Variants in SLC25A28 observed in about 807,000 individuals in gnomAD.
SLC25A28 encodes the protein mitoferrin-2.
In SLC25A28, 10 loss-of-function variants were observed where a neutral mutation model predicts 31.9. The observed-to-expected ratio is 0.31, with a 90% CI of 0.19 to 0.53. The LOEUF (loss-of-function observed/expected upper bound fraction) is 0.53, where lower values mean the gene tolerates loss of function less well. Ranked by LOEUF, SLC25A28 falls within the 20% of genes least tolerant of loss-of-function variation. The pLI is 0.95. For missense variants in SLC25A28, 256 were observed against 490.3 expected (o/e 0.52, Z 4.51); for synonymous variants, 208 against 203.6 (o/e 1.02, Z -0.19).
At chr10:99,623,636 A>C (rs183091339), upstream of SLC25A28, among the ~76,000 whole-genome samples, 37 of 152,296 alleles carry the variant, frequency 2.4e-4, 1 homozygote, top group Admixed American at 1.4e-3. Flanking sequence ...TTCCAGGTAC[A>C]CAGTAGGATG....
At chr10:99,625,913 G>A in the SLC25A28 span, among the ~76,000 whole-genome samples, 2 of 152,124 alleles carry the variant, frequency 1.3e-5, no homozygotes, top group Non-Finnish European at 2.9e-5. Flanking sequence ...AACACCATGA[G>A]GCATCCTATC....
At chr10:99,653,139 G>A in the SLC25A28 span, among the ~76,000 whole-genome samples, 1 of 152,164 alleles carries the variant, frequency 6.6e-6, no homozygotes, top group Non-Finnish European at 1.5e-5. Context: ...CTTGAATGTG[G>A]ACTAGGAGTT....
intron 1 of SLC25A28, chr10:99,616,652 A>G (rs2034663924): frequency 4.1e-6 from 4 of 985,240 alleles, no homozygotes; most frequent in South Asian, 4.7e-5. Flanking sequence ...TCTGAAGGTC[A>G]TATGTTCAGG....
chr10:99,616,358 G>A, intron 1 of SLC25A28: 1 of 789,164 alleles, frequency 1.3e-6, no homozygotes, highest in Non-Finnish European at 1.5e-6. Context: ...TGGCTCACAG[G>A]GCTGTTGTGG....
At chr10:99,626,399 G>C in the SLC25A28 span, among the ~76,000 whole-genome samples, 1 of 152,166 alleles carries the variant, frequency 6.6e-6, no homozygotes, top group East Asian at 1.9e-4. Flanking sequence ...GGGTTATTTA[G>C]GAAACATTGT....
the SLC25A28 span, among the ~76,000 whole-genome samples, chr10:99,643,600 T>G: frequency 6.6e-6 from 1 of 152,222 alleles, no homozygotes. Flanking sequence ...TTTCTTGCCT[T>G]CTGCTAGCTT....
intron 1 of SLC25A28, chr10:99,618,581 T>C: frequency 1.0e-6 from 1 of 985,380 alleles, no homozygotes; most frequent in Non-Finnish European, 1.2e-6. Context: ...ATTTCAATGT[T>C]GTTACTTCTC....
At chr10:99,620,936 C>T (rs767581684), upstream of SLC25A28, 160 of 964,666 alleles carry the variant, frequency 1.7e-4, no homozygotes, top group Non-Finnish European at 1.9e-4. Flanking sequence ...CTGACGGGCG[C>T]CGTTACGACC....
the SLC25A28 span, among the ~76,000 whole-genome samples, chr10:99,644,810 A>G: frequency 1.3e-5 from 2 of 152,094 alleles, no homozygotes; most frequent in Non-Finnish European, 2.9e-5. Context: ...TCCTTCATGT[A>G]TGTAGCTTAG....
At chr10:99,618,502 C>T (rs938901624) in intron 1 of SLC25A28, 31 of 985,428 alleles carry the variant, frequency 3.1e-5, no homozygotes, top group Non-Finnish European at 3.6e-5. Flanking sequence ...GCATTATTAA[C>T]TCACAAGTCA....
Position 99,611,035 on chromosome 10 carries a change from T to C in SLC25A28, c.909A>G (p.Gly303=), listed in dbSNP as rs1169245172. Residue 303 remains glycine, a synonymous_variant, in exon 4 of 4, where the codon GGA becomes GGG. Transcript: ENST00000370495. This position sits in a 1 kb window ranked among gnomAD's most constrained non-coding sequence, Gnocchi z 5.5. ...AGGCACTAGCCATGCCTGTGATATGTCCTGTAATGTGTGAGTTCAAAGCCA... is the reference window on the plus strand; with the variant it reads ...AGGCACTAGCCATGCCTGTGATATGCCCTGTAATGTGTGAGTTCAAAGCCA... ...ESLALNSHIT[G]HITGMASAFR... is the part of the protein sequence containing the mutation. 2.5e-6 allele frequency: 4 copies of C among 1,614,176 alleles called. No homozygotes were observed. The highest frequency in any genetic ancestry group is 3.4e-6 in the Non-Finnish European group (4 of 1,180,024).
intron 2 of SLC25A28, 105 bp from the exon 3 acceptor site, chr10:99,612,704 A>G (rs2034559285): frequency 7.9e-7 from 1 of 1,268,306 alleles, no homozygotes; most frequent in African/African-American, 1.5e-5. Context: ...CAGCGGGGAA[A>G]AGTAACGTTA....
At chr10:99,645,723 G>T in the SLC25A28 span, among the ~76,000 whole-genome samples, 4 of 152,118 alleles carry the variant, frequency 2.6e-5, no homozygotes, top group Non-Finnish European at 4.4e-5. Context: ...TGATGGTGAC[G>T]TACAGATGGG....
chr10:99,628,313 C>G, the SLC25A28 span, among the ~76,000 whole-genome samples: 14 of 152,220 alleles, frequency 9.2e-5, no homozygotes, highest in African/African-American at 3.4e-4. Flanking sequence ...TTATATTTTG[C>G]ATTACTTCTA....
chr10:99,615,919 C>A, intron 1 of SLC25A28: 1 of 985,414 alleles, frequency 1.0e-6, no homozygotes, highest in Non-Finnish European at 1.2e-6. Context: ...TGGAACTCCT[C>A]ACCCCCAAGA....
At chr10:99,650,549 G>A in the SLC25A28 span, among the ~76,000 whole-genome samples, 1 of 151,986 alleles carries the variant, frequency 6.6e-6, no homozygotes, top group Non-Finnish European at 1.5e-5. Context: ...TCTCAAAATG[G>A]TGCCTTGGGC....
At chr10:99,629,164 T>G in the SLC25A28 span, among the ~76,000 whole-genome samples, 1 of 152,258 alleles carries the variant, frequency 6.6e-6, no homozygotes, top group South Asian at 2.1e-4. Context: ...ATGCCCTCTG[T>G]GGGGGACAGG....
At chr10:99,652,588 A>C in the SLC25A28 span, among the ~76,000 whole-genome samples, 1 of 152,108 alleles carries the variant, frequency 6.6e-6, no homozygotes, top group Non-Finnish European at 1.5e-5. Context: ...TGGAGTCAGA[A>C]TCCTCAAATG....
the SLC25A28 span, among the ~76,000 whole-genome samples, chr10:99,638,769 C>A: frequency 2.6e-5 from 4 of 151,992 alleles, no homozygotes; most frequent in Non-Finnish European, 5.9e-5. Flanking sequence ...TGGCCATAAT[C>A]AAAAAATTAA....
Sources: allele counts gnomAD v4.1 joint callset (sites outside exome capture counted in the v4.1 genomes callset), GRCh38; gene constraint gnomAD v4.1.1; non-coding constraint Gnocchi (gnomAD v3.1); transcripts MANE v1.5; gene names NCBI Gene and HGNC (gene_info 2026-07-23, HGNC 2026-07-21).